Variants in ST18 observed in about 807,000 individuals in gnomAD.
ST18 encodes ST18 C2H2C-type zinc finger transcription factor, also known as suppression of tumorigenicity 18 protein.
ST18 carries 50 observed loss-of-function variants against 110.0 expected under a neutral mutation model. That is an observed-to-expected ratio of 0.45 (90% CI 0.36 to 0.58). The LOEUF (loss-of-function observed/expected upper bound fraction) is 0.58. Ranked by LOEUF, ST18 falls within the 20% of genes least tolerant of loss-of-function variation. The pLI, the probability that ST18 is intolerant of heterozygous loss-of-function variation, is 0.00. For missense variants in ST18, 1,306 were observed against 1,280.1 expected (o/e 1.02, Z -0.31); for synonymous variants, 461 against 452.4 (o/e 1.02, Z -0.24).
chr8:52,161,340 A>G, intron 14 of ST18, 35 bp downstream of exon 14: 2 of 1,599,974 alleles, frequency 1.3e-6, no homozygotes, highest in Non-Finnish European at 1.7e-6. Flanking sequence ...CACAAGAAGC[A>G]TTTTGGGGAA....
intron 8 of ST18, among the ~76,000 whole-genome samples, chr8:52,183,985 C>T (rs2070963083): frequency 6.6e-6 from 1 of 152,132 alleles, no homozygotes; most frequent in South Asian, 2.1e-4. Flanking sequence ...TTTGTGTGTG[C>T]ATGGAAAATG....
intron 2 of ST18, among the ~76,000 whole-genome samples, chr8:52,333,193 G>GA (rs1378583280): frequency 6.6e-6 from 1 of 151,926 alleles, no homozygotes; most frequent in Non-Finnish European, 1.5e-5. Flanking sequence ...TATTAAAGAG[G>GA]AAATTCTTCA....
At chr8:52,244,392 A>G (rs2137827515) in intron 2 of ST18, among the ~76,000 whole-genome samples, 1 of 152,326 alleles carries the variant, frequency 6.6e-6, no homozygotes, top group Admixed American at 6.5e-5. Context: ...TTTACCTGTG[A>G]AAACCAATGT....
At chr8:52,381,010 G>GC (rs1834314801) in intron 2 of ST18, among the ~76,000 whole-genome samples, 1 of 152,190 alleles carries the variant, frequency 6.6e-6, no homozygotes, top group African/African-American at 2.4e-5. Flanking sequence ...TGCAAATACA[G>GC]CAAGTGTTAA....
intron 8 of ST18, among the ~76,000 whole-genome samples, chr8:52,211,603 C>T (rs1022921449): frequency 5.9e-5 from 9 of 151,992 alleles, no homozygotes; most frequent in East Asian, 1.9e-4. Context: ...GTCGGGGTTT[C>T]GCCATGTTGC....
intron 2 of ST18, among the ~76,000 whole-genome samples, chr8:52,275,684 G>A (rs2095219404): frequency 6.6e-6 from 1 of 152,076 alleles, no homozygotes; most frequent in South Asian, 2.1e-4. Context: ...TATTTTTTAG[G>A]AGGAAGGCAT....
intron 2 of ST18, among the ~76,000 whole-genome samples, chr8:52,319,077 G>A (rs2096078793): frequency 6.6e-6 from 1 of 151,966 alleles, no homozygotes; most frequent in Non-Finnish European, 1.5e-5. Flanking sequence ...ATGTACCCCT[G>A]AACTTAAAAT....
intron 2 of ST18, among the ~76,000 whole-genome samples, chr8:52,289,128 T>C (rs576920382): frequency 3.3e-4 from 51 of 152,324 alleles, no homozygotes; most frequent in Non-Finnish European, 6.5e-4. Flanking sequence ...GCATCTTAGA[T>C]ACTACCCCTC....
intron 16 of ST18, among the ~76,000 whole-genome samples, chr8:52,145,496 T>C (rs901767989): frequency 8.5e-5 from 13 of 152,192 alleles, no homozygotes; most frequent in African/African-American, 2.9e-4. Context: ...AGAGTGTATG[T>C]ATTAAAATCC....
chr8:52,360,515 T>A (rs988494061), intron 2 of ST18, among the ~76,000 whole-genome samples: 4 of 151,750 alleles, frequency 2.6e-5, no homozygotes, highest in Non-Finnish European at 2.9e-5. Flanking sequence ...CAAAAAAAAA[T>A]TATTATACCT....
At chr8:52,263,121 T>C (rs925756242) in intron 2 of ST18, among the ~76,000 whole-genome samples, 1 of 152,202 alleles carries the variant, frequency 6.6e-6, no homozygotes, top group East Asian at 1.9e-4. Context: ...TTAAATATAG[T>C]GCTGGTTTCC....
At chr8:52,372,273 A>G (rs1237435558) in intron 2 of ST18, among the ~76,000 whole-genome samples, 1 of 152,196 alleles carries the variant, frequency 6.6e-6, no homozygotes, top group Non-Finnish European at 1.5e-5. Flanking sequence ...CAGAATAAAG[A>G]TGTAAAGAAA....
intron 2 of ST18, among the ~76,000 whole-genome samples, chr8:52,354,972 C>A (rs950549862): frequency 6.6e-6 from 1 of 152,196 alleles, no homozygotes; most frequent in Non-Finnish European, 1.5e-5. Flanking sequence ...GAGAATTACA[C>A]CTTCATAAAA....
chr8:52,344,699 C>T (rs1188961309), intron 2 of ST18, among the ~76,000 whole-genome samples: 1 of 152,112 alleles, frequency 6.6e-6, no homozygotes, highest in Non-Finnish European at 1.5e-5. Flanking sequence ...CCGTGCCCAG[C>T]CAATAACTGC....
intron 2 of ST18, among the ~76,000 whole-genome samples, chr8:52,242,801 G>T (rs1008267766): frequency 5.3e-4 from 81 of 152,000 alleles, no homozygotes; most frequent in African/African-American, 1.8e-3. Context: ...GAACCCTGGA[G>T]GCAGACGTTG....
intron 2 of ST18, among the ~76,000 whole-genome samples, chr8:52,253,655 T>A (rs2094422279): frequency 6.6e-6 from 1 of 152,154 alleles, no homozygotes; most frequent in South Asian, 2.1e-4. Flanking sequence ...GTTATTCATA[T>A]ACAATTGTGT....
intron 8 of ST18, among the ~76,000 whole-genome samples, chr8:52,191,810 C>G (rs2074593121): frequency 1.3e-5 from 2 of 152,098 alleles, no homozygotes; most frequent in Non-Finnish European, 2.9e-5. Context: ...GGCCCATGGG[C>G]AAAGCGAAGA....
At chr8:52,281,673 C>A (rs1166473154) in intron 2 of ST18, among the ~76,000 whole-genome samples, 1 of 152,134 alleles carries the variant, frequency 6.6e-6, no homozygotes, top group Non-Finnish European at 1.5e-5. Flanking sequence ...AGCTAAACAT[C>A]CTGAATGTGG....
intron 2 of ST18, among the ~76,000 whole-genome samples, chr8:52,268,226 T>C (rs1451303845): frequency 6.6e-6 from 1 of 152,226 alleles, no homozygotes; most frequent in East Asian, 1.9e-4. Context: ...GGTCTTCTCC[T>C]ATTCAAAGAG....
Sources: gnomAD v4.1 joint callset for allele counts (sites outside exome capture counted in the v4.1 genomes callset) on GRCh38, gnomAD v4.1.1 for gene constraint, MANE v1.5 for transcripts, NCBI Gene and HGNC (gene_info 2026-07-23, HGNC 2026-07-21) for gene names.